GNE: variants seen among roughly 807,000 people sequenced by gnomAD.
GNE encodes the protein bifunctional UDP-N-acetylglucosamine 2-epimerase/N-acetylmannosamine kinase.
In GNE, 41 loss-of-function variants were observed where a neutral mutation model predicts 61.8. The ratio of observed to expected loss-of-function variants is 0.66; its 90% confidence interval spans 0.52 to 0.86. The LOEUF (loss-of-function observed/expected upper bound fraction) is 0.86, where lower values mean the gene tolerates loss of function less well. GNE is among the 40% of genes least tolerant of loss of function. GNE has a pLI of 0.00. For missense variants in GNE, 608 were observed against 909.1 expected, an observed-to-expected ratio of 0.67 and a Z score of 4.26; for synonymous variants, 264 against 326.4, an observed-to-expected ratio of 0.81 and a Z score of 2.06.
chr9:36,242,131 T>C lies in GNE; in HGVS notation c.616+3900A>G, dbSNP rs1010586114. Among the ~76,000 whole-genome samples the C allele has an allele frequency of 1.1e-4, 17 of 150,246 alleles. 1 individual carries two copies. Among genetic ancestry groups the C allele is most frequent in the Non-Finnish European group, 3.0e-5 (2 of 67,660 alleles). ...AGCCTAGGTGACAGAACTCCAGCCT[T>C]GGCAACAGAGCAAGACTCTGTCTCA... is the stretch of plus-strand genomic sequence containing the variant. On this transcript the variant is annotated intron_variant, in intron 3 of 11. Coordinates refer to ENST00000642385, the MANE Select transcript of GNE (RefSeq NM_005476.7).
chr9:36,240,961 A>G (rs961129128), intron 3 of GNE, among the ~76,000 whole-genome samples: 3 of 152,096 alleles, frequency 2.0e-5, no homozygotes, highest in Non-Finnish European at 4.4e-5. Flanking sequence ...AGTAGCCTTG[A>G]ATGATCTTTT....
chr9:36,232,196 A>T lies in GNE; in HGVS notation c.982+1724T>A, dbSNP rs117089674. On this transcript the variant is annotated intron_variant, in intron 5 of 11. Coordinates refer to ENST00000642385, the MANE Select transcript of GNE (RefSeq NM_005476.7). ...GTTGATTCCTTTCACCTCCGCATCCAAGCATCAGCAAGTACTATAACAAGA... is the reference window on the plus strand; with the variant it reads ...GTTGATTCCTTTCACCTCCGCATCCTAGCATCAGCAAGTACTATAACAAGA... Among the ~76,000 whole-genome samples the T allele has an allele frequency of 9.3e-3, 1,416 of 152,174 alleles. 15 individuals are homozygous for T. The highest frequency in any genetic ancestry group is 0.017 in the South Asian group (84 of 4,824).
At chr9:36,250,557 T>G (rs1830073303) in intron 1 of GNE, among the ~76,000 whole-genome samples, 1 of 152,194 alleles carries the variant, frequency 6.6e-6, no homozygotes, top group Admixed American at 6.5e-5. Context: ...TTCCACCCCC[T>G]AAATATCTTT....
chr9:36,249,714 TA>T (rs1382660709), intron 1 of GNE, among the ~76,000 whole-genome samples: 39 of 150,736 alleles, frequency 2.6e-4, no homozygotes, highest in Non-Finnish European at 1.3e-4. Context: ...CCGTCTCTAC[TA>T]AAAAATACAA....
In GNE at chr9:36,246,152, C is replaced by T. The variant is rs2133112122; in HGVS notation, c.495G>A (p.Glu165=). 1 of 1,614,190 alleles carries T rather than the reference C, an allele frequency of 6.2e-7. No homozygotes were observed. Among genetic ancestry groups the T allele is most frequent in the Non-Finnish European group, 8.5e-7 (1 of 1,179,986 alleles). The change falls in exon 3 of 12, where the codon GAG becomes GAA. Residue 165 remains glutamate (E), a synonymous_variant. Coordinates refer to ENST00000642385, the MANE Select transcript of GNE (RefSeq NM_005476.7). ...HYHVCCTRSA[E]QHLISMCEDH... ...CCTCACACATGGATATCAGGTGCTG[C>T]TCTGCACTGCGGGTGCAGCACACAT...
chr9:36,257,071 G>A (rs1830383921), intron 1 of GNE, among the ~76,000 whole-genome samples: 1 of 152,144 alleles, frequency 6.6e-6, no homozygotes, highest in Non-Finnish European at 1.5e-5. Context: ...GAGCATGGTG[G>A]CAGGCGCCTG....
At chr9:36,267,930 T>C (rs1587383732) in intron 1 of GNE, 1 of 151,936 alleles carries the variant, frequency 6.6e-6, no homozygotes, top group African/African-American at 2.4e-5. Flanking sequence ...AGTCTAGGAG[T>C]TCGAGACCAG....
chr9:36,260,644 C>T (rs1005609568), upstream of GNE, among the ~76,000 whole-genome samples: 2 of 151,732 alleles, frequency 1.3e-5, no homozygotes, highest in Admixed American at 6.6e-5. Flanking sequence ...CCGAGGCGGG[C>T]GGATCACAAG....
At chr9:36,257,802 CAAAAAAAAAAAAAAAAAAAA>C (rs60845805) in intron 1 of GNE, among the ~76,000 whole-genome samples, 3 of 25,238 alleles carry the variant, frequency 1.2e-4, no homozygotes, top group African/African-American at 2.6e-4. Context: ...GACTCAGTCT[CAAAAAAAAAAAAAAAAAAAA>C]AAAAAAAAAA....
chr9:36,255,563 G>T (rs1055333948), intron 1 of GNE, among the ~76,000 whole-genome samples: 11 of 151,634 alleles, frequency 7.3e-5, no homozygotes, highest in African/African-American at 1.7e-4. Flanking sequence ...TTCCCTGAAA[G>T]AAACTATAGT....
chr9:36,254,339 G>A (rs772335197), intron 1 of GNE, among the ~76,000 whole-genome samples: 187 of 151,558 alleles, frequency 1.2e-3, no homozygotes, highest in Non-Finnish European at 2.1e-3. Context: ...ACCAGCCTGG[G>A]CAACATAGCA....
In GNE at chr9:36,217,300, TA is replaced by T; in HGVS notation, c.*64del. On this transcript the variant is annotated 3_prime_UTR_variant, in exon 12 of 12. Coordinates refer to ENST00000642385, the MANE Select transcript of GNE (RefSeq NM_005476.7). ...TTTGATTGTTAAGAAACGGTCATCC[TA>T]AAGACAAGAACTTGATTCCACTCAG... 9.3e-7 allele frequency: 1 copy of T among 1,076,964 alleles called. No individual in the cohort carries two copies. The highest frequency in any genetic ancestry group is 1.4e-6 in the Non-Finnish European group (1 of 707,662). The allele number at this position is 1,076,964 out of a possible 1,614,324, so 66.7% of individuals were successfully genotyped here. A position where few individuals can be genotyped will look rare whatever the true frequency, so the allele number is the denominator to read the frequency against.
chr9:36,217,333 TG>T lies in GNE; in HGVS notation c.*31del. The T allele has an allele frequency of 7.1e-7, 1 of 1,414,740 alleles. No individual in the cohort carries two copies. Among genetic ancestry groups the T allele is most frequent in the Non-Finnish European group, 1.0e-6 (1 of 1,001,586 alleles). The allele number at this position is 1,414,740 out of a possible 1,614,324, so 87.6% of individuals were successfully genotyped here. On this transcript the variant is annotated 3_prime_UTR_variant, in exon 12 of 12. Coordinates refer to ENST00000642385, the MANE Select transcript of GNE (RefSeq NM_005476.7). ...AGAACTTGATTCCACTCAGGAGCTC[TG>T]GAGAGAAGGTCCATGTCTGTTCCTG...
chr9:36,227,778 G>C (rs960453807), intron 6 of GNE, among the ~76,000 whole-genome samples: 2 of 152,128 alleles, frequency 1.3e-5, no homozygotes, highest in African/African-American at 4.8e-5. Flanking sequence ...GCTCATACCT[G>C]TAATCCTAGC....
At position 36,219,927 on chromosome 9, in the gene GNE, C is replaced by T. The variant is rs121908625; in HGVS notation, c.1727G>A (p.Gly576Glu). ...ATGGCTTCCACAGGAACAATCAGGC[C>T]CATCCAGAGACACAACAAGGTGGCC... ...ELGHLVVSLD[G>E]PDCSCGSHGC... Residue 576 changes from glycine to glutamate, a missense_variant, in exon 10 of 12, where the codon GGG becomes GAG. By Grantham distance (98) the Gly-to-Glu change is moderately conservative (BLOSUM62 -2). Coordinates refer to ENST00000642385, the MANE Select transcript of GNE (RefSeq NM_005476.7). The T allele has an allele frequency of 6.2e-7, 1 of 1,614,144 alleles. No individual in the cohort carries two copies. The highest frequency in any genetic ancestry group is 1.7e-5 in the Admixed American group (1 of 60,016).
At chr9:36,276,333 A>G (rs752970110) in intron 1 of GNE, among the ~76,000 whole-genome samples, 1 of 152,216 alleles carries the variant, frequency 6.6e-6, no homozygotes, top group Non-Finnish European at 1.5e-5. Context: ...TTAATAAACT[A>G]CACTATAGTA....
At chr9:36,257,183 C>T (rs1386792681) in intron 1 of GNE, among the ~76,000 whole-genome samples, 1 of 152,180 alleles carries the variant, frequency 6.6e-6, no homozygotes, top group African/African-American at 2.4e-5. Context: ...GACTTCAGCG[C>T]TCAGAACACT....
chr9:36,218,058 A>G lies in GNE; in HGVS notation c.1933+125T>C. 1 of 778,832 alleles carries G rather than the reference A, an allele frequency of 1.3e-6. No individual in the cohort carries two copies. The highest frequency in any genetic ancestry group is 1.4e-5 in the South Asian group (1 of 73,772). The allele number at this position is 778,832 out of a possible 1,614,324, so 48.2% of individuals were successfully genotyped here. A position where few individuals can be genotyped will look rare whatever the true frequency, so the allele number is the denominator to read the frequency against. ...TTACCTCTGAGTAATTAGGAAAGAAACCTCTGAACAGACACTGCAAAGCAC... is the reference window on the plus strand; with the variant it reads ...TTACCTCTGAGTAATTAGGAAAGAAGCCTCTGAACAGACACTGCAAAGCAC... On this transcript the variant is annotated intron_variant, in intron 11 of 11. Transcript: ENST00000642385. The surrounding 1 kb of genome is among the most constrained non-coding windows in gnomAD (Gnocchi z 4.1).
At chr9:36,238,478 T>C (rs1829499270) in intron 3 of GNE, among the ~76,000 whole-genome samples, 1 of 152,244 alleles carries the variant, frequency 6.6e-6, no homozygotes, top group South Asian at 2.1e-4. Flanking sequence ...ATGGTTTTGA[T>C]TTGCATTTCC....
Sources: allele counts gnomAD v4.1 joint callset (sites outside exome capture counted in the v4.1 genomes callset), GRCh38; gene constraint gnomAD v4.1.1; non-coding constraint Gnocchi (gnomAD v3.1); transcripts MANE v1.5; gene names NCBI Gene and HGNC (gene_info 2026-07-23, HGNC 2026-07-21).